The following KARS1 variants were observed in gnomAD, a reference collection of about 807,000 sequenced individuals.
The protein encoded by KARS1 is lysine--tRNA ligase.
KARS1 carries 50 observed loss-of-function variants against 63.9 expected under a neutral mutation model. That is an observed-to-expected ratio of 0.78 (90% CI 0.62 to 0.99). The LOEUF (loss-of-function observed/expected upper bound fraction) is 0.99, where lower values mean the gene tolerates loss of function less well. KARS1 is among the 50% of genes least tolerant of loss of function. The pLI is 0.00. For synonymous variants in KARS1, 320 were observed against 264.6 expected, an observed-to-expected ratio of 1.21 and a Z score of -2.03; for missense variants, 816 against 754.5, an observed-to-expected ratio of 1.08 and a Z score of -0.95.
intron 6 of KARS1, chr16:75,635,242 C>T (rs766137604): frequency 1.1e-5 from 3 of 280,748 alleles, no homozygotes; most frequent in African/African-American, 2.2e-5. Flanking sequence ...TATATATGCC[C>T]AGTAAATGGT....
intron 1 of KARS1, among the ~76,000 whole-genome samples, chr16:75,642,507 C>G (rs1319825854): frequency 6.6e-6 from 1 of 152,010 alleles, no homozygotes; most frequent in Non-Finnish European, 1.5e-5. Context: ...CCTCCAATGC[C>G]AGATCTAATA....
Position 75,640,049 on chromosome 16 carries a change from G to A in KARS1, c.388+135C>T, listed in dbSNP as rs1597173650. 16 of 752,866 alleles carry A rather than the reference G, an allele frequency of 2.1e-5. No homozygotes were observed. The East Asian group carries it at 3.8e-4, about 18-fold the overall frequency. The allele number at this position is 752,866 out of a possible 1,614,324, so 46.6% of individuals were successfully genotyped here. ...CTGCTTCTTTCTGTATAGATATAAT[G>A]GCACTGTCCTTAGTAAAGTAGCTTC... On this transcript the variant is annotated intron_variant, in intron 3 of 13. Transcript: ENST00000302445.
chr16:75,636,892 A>AG (rs1434411246), intron 3 of KARS1, among the ~76,000 whole-genome samples: 1 of 151,192 alleles, frequency 6.6e-6, no homozygotes, highest in Non-Finnish European at 1.5e-5. Context: ...CACCCACCTC[A>AG]GCCTCCCAAA....
intron 3 of KARS1, among the ~76,000 whole-genome samples, chr16:75,637,417 G>T (rs915863329): frequency 6.6e-6 from 1 of 152,096 alleles, no homozygotes; most frequent in South Asian, 2.1e-4. Context: ...AGGCTCACTG[G>T]GGGAGAGCAG....
intron 3 of KARS1, among the ~76,000 whole-genome samples, chr16:75,639,176 TAAAAATAA>T (rs1225088045): frequency 1.3e-5 from 2 of 150,430 alleles, no homozygotes; most frequent in Non-Finnish European, 3.0e-5. Context: ...CTCAAAAAAA[TAAAAATAA>T]AAAAATAAAA....
chr16:75,643,539 G>A (rs933648742), intron 1 of KARS1, among the ~76,000 whole-genome samples: 6 of 152,030 alleles, frequency 3.9e-5, no homozygotes, highest in South Asian at 2.1e-4. Context: ...CACCATGCCC[G>A]GCTAATTTTT....
intron 12 of KARS1, chr16:75,628,916 G>A (rs187360311): frequency 5.8e-4 from 363 of 631,220 alleles, no homozygotes; most frequent in African/African-American, 5.7e-3. Context: ...TGATGAAATC[G>A]ACCTCAGAAC....
chr16:75,628,436 T>G (rs1015995220), intron 13 of KARS1, 133 bp downstream of exon 13: 1 of 1,040,918 alleles, frequency 9.6e-7, no homozygotes, highest in African/African-American at 1.6e-5. Context: ...GTGAGTGGCA[T>G]GGAACTCCTC....
chr16:75,634,114 C>T, intron 7 of KARS1, 59 bp downstream of exon 7: 2 of 1,573,228 alleles, frequency 1.3e-6, no homozygotes, highest in Non-Finnish European at 1.7e-6. Flanking sequence ...ACCCATCTAG[C>T]CAGTGGTATT....
At chr16:75,635,315 C>A in intron 6 of KARS1, 1 of 321,964 alleles carries the variant, frequency 3.1e-6, no homozygotes, top group Non-Finnish European at 6.1e-6. Context: ...AGTGAAAGAG[C>A]ACTTTCAGTT....
Position 75,635,821 on chromosome 16 carries a change from CA to C in KARS1, c.670-17del, listed in dbSNP as rs1165759127. ...ACCTTGTTTCCTAAACCAAAAGCAG[CA>C]GTTAGAAATCACTGGTATGTCTGAT... On this transcript the variant is annotated splice_polypyrimidine_tract_variant and intron_variant, in intron 5 of 13. Transcript: ENST00000302445. 3 of 1,614,060 alleles carry C rather than the reference CA, an allele frequency of 1.9e-6. No individual in the cohort carries two copies. Among genetic ancestry groups the C allele is most frequent in the African/African-American group, 1.3e-5 (1 of 74,918 alleles).
chr16:75,638,388 C>T (rs954263603), intron 3 of KARS1, among the ~76,000 whole-genome samples: 2 of 152,060 alleles, frequency 1.3e-5, no homozygotes, highest in Admixed American at 6.6e-5. Context: ...CTCCCCGGTC[C>T]CCCCGCCCCT....
At chr16:75,637,244 C>G (rs1449086491) in intron 3 of KARS1, among the ~76,000 whole-genome samples, 6 of 151,886 alleles carry the variant, frequency 4.0e-5, no homozygotes, top group Non-Finnish European at 5.9e-5. Context: ...AAGACGTTGC[C>G]AAGGACCCCC....
At position 75,627,951 on chromosome 16, in the gene KARS1, CCTT is replaced by C. The variant is rs753346124; in HGVS notation, c.1735_1737del (p.Lys579del). The C allele has an allele frequency of 7.4e-5, 120 of 1,612,006 alleles. No homozygotes were observed. The highest frequency in any genetic ancestry group is 5.0e-4 in the Middle Eastern group (3 of 6,060). ...AGTGTATCAGTGGTTGCTACATTCT[CCTT>C]CTTGTCTTCGGGTTTCATGGCAGGA... On this transcript the variant is annotated inframe_deletion, in exon 14 of 14. Transcript: ENST00000302445.
Position 75,631,157 on chromosome 16 carries a change from G to A in KARS1, c.1338+11C>T, listed in dbSNP as rs775019458. ...GATGAGGACATGTACAAGAAGGCAGGGCCTTCTCACCTTGTCAAGGAGCCT... is the reference window on the plus strand; with the variant it reads ...GATGAGGACATGTACAAGAAGGCAGAGCCTTCTCACCTTGTCAAGGAGCCT... On this transcript the variant is annotated intron_variant, in intron 10 of 13. Transcript: ENST00000302445. 7 of 1,603,926 alleles carry A rather than the reference G, an allele frequency of 4.4e-6. No individual in the cohort carries two copies. The highest frequency in any genetic ancestry group is 6.0e-6 in the Non-Finnish European group (7 of 1,171,240).
At position 75,632,464 on chromosome 16, in the gene KARS1, G is replaced by A. The variant is rs533447295; in HGVS notation, c.916-609C>T. Among the ~76,000 whole-genome samples the A allele has an allele frequency of 9.8e-5, 15 of 152,310 alleles. No individual in the cohort carries two copies. In the South Asian group the frequency reaches 2.5e-3, roughly 25 times the overall value. On this transcript the variant is annotated intron_variant, in intron 7 of 13. Coordinates refer to ENST00000302445, the MANE Select transcript of KARS1 (RefSeq NM_005548.3). The stretch of plus-strand genomic sequence containing the variant: ...GTTAGGCTGCAGGCGTGTGACCCAA[G>A]CTCCACCAGTCAGATACACTTGTGA...
At chr16:75,642,072 A>G (rs2082230995) in intron 1 of KARS1, among the ~76,000 whole-genome samples, 1 of 152,056 alleles carries the variant, frequency 6.6e-6, no homozygotes. Flanking sequence ...TTTTCTAGAA[A>G]ATTAGAATAG....
At position 75,631,545 on chromosome 16, in the gene KARS1, G is replaced by A; in HGVS notation, c.1123C>T (p.Pro375Ser). The A allele has an allele frequency of 6.2e-7, 1 of 1,614,120 alleles. No individual in the cohort carries two copies. The highest frequency in any genetic ancestry group is 1.3e-5 in the African/African-American group (1 of 75,026). The change falls in exon 9 of 14, where the codon CCA (proline) becomes TCA (serine). Residue 375 changes from proline to serine, a missense_variant. Physicochemically the swap from Pro to Ser is moderately conservative, Grantham distance 74. Transcript: ENST00000302445. ...ITGSYKVTYHPDGPEGQAYDV... is the reference protein window; with the variant it reads ...ITGSYKVTYHSDGPEGQAYDV... ...TAGGCTTGGCCCTCTGGGCCATCTG[G>A]GTGGTAGGTGACCTTGTAACTGCCT...
At chr16:75,643,402 G>C (rs2082245991) in intron 1 of KARS1, among the ~76,000 whole-genome samples, 1 of 147,452 alleles carries the variant, frequency 6.8e-6, no homozygotes, top group African/African-American at 2.5e-5. Context: ...TTTTGAGACA[G>C]AGTCTCGCTG....
Sources: allele counts gnomAD v4.1 joint callset (sites outside exome capture counted in the v4.1 genomes callset), GRCh38; gene constraint gnomAD v4.1.1; transcripts MANE v1.5; gene names NCBI Gene and HGNC (gene_info 2026-07-23, HGNC 2026-07-21).